RARB: variants seen among roughly 807,000 people sequenced by gnomAD.
The protein encoded by RARB is retinoic acid receptor beta.
RARB carries 17 observed loss-of-function variants against 51.9 expected under a neutral mutation model. The ratio of observed to expected loss-of-function variants is 0.33; its 90% CI spans 0.22 to 0.49. The LOEUF is 0.49. RARB is among the 20% of genes least tolerant of loss of function. The pLI is 0.99. For synonymous variants in RARB, 215 were observed against 195.4 expected, an observed-to-expected ratio of 1.10 and a Z score of -0.84; for missense variants, 369 against 550.8, an observed-to-expected ratio of 0.67 and a Z score of 3.30.
At chr3:25,159,418 C>CG (rs900256864) in intron 4 of RARB, among the ~76,000 whole-genome samples, 8 of 151,168 alleles carry the variant, frequency 5.3e-5, no homozygotes, top group Non-Finnish European at 1.0e-4. Context: ...ATCCACCCCC[C>CG]CCGCTCCCCC....
intron 5 of RARB, among the ~76,000 whole-genome samples, chr3:25,219,660 A>G (rs1428056552): frequency 1.3e-5 from 2 of 152,180 alleles, no homozygotes; most frequent in Admixed American, 1.3e-4. Flanking sequence ...TCTTATCAGC[A>G]TCTTCAAATT....
At chr3:25,230,354 T>C (rs1702148678) in intron 5 of RARB, among the ~76,000 whole-genome samples, 1 of 152,006 alleles carries the variant, frequency 6.6e-6, no homozygotes, top group Admixed American at 6.6e-5. Flanking sequence ...CTTTCCCCCA[T>C]TTCATGAAAT....
In RARB at chr3:24,838,781, A is replaced by T. The variant is rs77553242; in HGVS notation, c.-459+9378A>T. Among the ~76,000 whole-genome samples, 171 of 152,284 alleles carry T rather than the reference A, an allele frequency of 1.1e-3. 1 individual carries two copies. Among genetic ancestry groups the T allele is most frequent in the African/African-American group, 4.0e-3 (167 of 41,560 alleles). On this transcript the variant is annotated intron_variant, in intron 1 of 11. Coordinates refer to the RARB transcript ENST00000383772. The stretch of plus-strand genomic sequence containing the variant: ...ATAATATATGGCAATAGCAGTATGG[A>T]TTAAGAACATGAAAGAGGGCAGCCC...
At chr3:25,311,525 G>T (rs1323946156) in intron 5 of RARB, among the ~76,000 whole-genome samples, 2 of 152,188 alleles carry the variant, frequency 1.3e-5, no homozygotes, top group East Asian at 3.8e-4. Context: ...ATTAACAATA[G>T]CTATACCATT....
chr3:24,927,153 G>A (rs1315104404), intron 2 of RARB, among the ~76,000 whole-genome samples: 2 of 151,924 alleles, frequency 1.3e-5, no homozygotes, highest in African/African-American at 4.8e-5. Context: ...TCCTTATAGT[G>A]TCAAATATTT....
intron 1 of RARB, chr3:25,458,390 G>T (rs553638812): frequency 6.6e-6 from 1 of 152,332 alleles, no homozygotes; most frequent in South Asian, 2.1e-4. Flanking sequence ...TGAAAAGATT[G>T]TGGGTGAGTG....
At chr3:25,492,738 A>G (rs1395357436) in intron 2 of RARB, among the ~76,000 whole-genome samples, 1 of 152,190 alleles carries the variant, frequency 6.6e-6, no homozygotes, top group Non-Finnish European at 1.5e-5. Flanking sequence ...TTTTCTACGC[A>G]TATTTTCAAA....
intron 2 of RARB, among the ~76,000 whole-genome samples, chr3:24,985,680 T>C (rs578239125): frequency 2.0e-5 from 3 of 152,346 alleles, no homozygotes; most frequent in Non-Finnish European, 2.9e-5. Context: ...ACGTGGGTCT[T>C]TTGTTTCCAG....
intron 1 of RARB, among the ~76,000 whole-genome samples, chr3:25,438,282 C>T (rs1375833994): frequency 6.6e-6 from 1 of 152,200 alleles, no homozygotes; most frequent in Non-Finnish European, 1.5e-5. Context: ...GAGTGGTATA[C>T]AGTCGCTTTC....
At chr3:25,026,937 T>G (rs1697761629) in intron 2 of RARB, among the ~76,000 whole-genome samples, 2 of 152,172 alleles carry the variant, frequency 1.3e-5, no homozygotes, top group South Asian at 4.2e-4. Flanking sequence ...GCGATGAGTT[T>G]TAGTTTTCAT....
At chr3:25,058,450 T>G (rs1698484063) in intron 2 of RARB, among the ~76,000 whole-genome samples, 1 of 151,666 alleles carries the variant, frequency 6.6e-6, no homozygotes, top group East Asian at 1.9e-4. Flanking sequence ...CTTTTATCTC[T>G]GGCCATTGAA....
intron 2 of RARB, among the ~76,000 whole-genome samples, chr3:24,919,903 A>C (rs1162250802): frequency 1.3e-5 from 2 of 152,172 alleles, no homozygotes; most frequent in Non-Finnish European, 2.9e-5. Flanking sequence ...AAAAGTCCAA[A>C]ATGGCAAAAT....
intron 2 of RARB, among the ~76,000 whole-genome samples, chr3:24,880,245 A>G (rs1703132348): frequency 6.6e-6 from 1 of 151,930 alleles, no homozygotes; most frequent in Non-Finnish European, 1.5e-5. Flanking sequence ...TATGGCTATC[A>G]GACATTTGGG....
chr3:25,449,284 A>C (rs1328610441), intron 1 of RARB, among the ~76,000 whole-genome samples: 1 of 152,024 alleles, frequency 6.6e-6, no homozygotes, highest in Non-Finnish European at 1.5e-5. Flanking sequence ...AGCAGGGAAC[A>C]TGCAGAAGGG....
At position 24,832,624 on chromosome 3, in the gene RARB, TC is replaced by T. The variant is rs201694992; in HGVS notation, c.-459+3224del. ...TCCCCTGTATTTAGAAAAAATTGAG[TC>T]CCAATATATATATATATATATATAT... On this transcript the variant is annotated intron_variant, in intron 1 of 11. Coordinates refer to the RARB transcript ENST00000383772. 2.2e-3 allele frequency among the ~76,000 whole-genome samples: 182 copies of T among 82,448 alleles called. 1 individual carries two copies. In the Middle Eastern group the frequency reaches 0.036, roughly 16 times the overall value. The allele number at this position is 82,448 out of a possible 152,430, so 54.1% of individuals were successfully genotyped here.
At chr3:25,022,534 G>GT (rs1697660031) in intron 2 of RARB, among the ~76,000 whole-genome samples, 1 of 152,150 alleles carries the variant, frequency 6.6e-6, no homozygotes, top group Non-Finnish European at 1.5e-5. Flanking sequence ...CAAAGCGGCT[G>GT]TATCATTTTG....
At chr3:25,485,618 C>A (rs544260387) in intron 2 of RARB, among the ~76,000 whole-genome samples, 1 of 152,140 alleles carries the variant, frequency 6.6e-6, no homozygotes, top group African/African-American at 2.4e-5. Context: ...ATTCATTACA[C>A]GGCCCATCTG....
intron 1 of RARB, among the ~76,000 whole-genome samples, chr3:25,451,754 T>G (rs1366003507): frequency 1.3e-5 from 2 of 152,226 alleles, no homozygotes; most frequent in Non-Finnish European, 2.9e-5. Context: ...TTCAAATAGA[T>G]ATATAGTACA....
intron 5 of RARB, among the ~76,000 whole-genome samples, chr3:25,331,957 C>T (rs1704910451): frequency 6.6e-6 from 1 of 152,166 alleles, no homozygotes; most frequent in Non-Finnish European, 1.5e-5. Context: ...CACATACACC[C>T]TCCCAAGACT....
Sources: allele counts gnomAD v4.1 joint callset (sites outside exome capture counted in the v4.1 genomes callset), GRCh38; gene constraint gnomAD v4.1.1; transcripts MANE v1.5; gene names NCBI Gene and HGNC (gene_info 2026-07-23, HGNC 2026-07-21).